The following CALN1 variants were observed in gnomAD, a reference collection of about 807,000 sequenced individuals.
The protein encoded by CALN1 is calcium-binding protein 8.
CALN1 carries 17 observed loss-of-function variants against 30.6 expected under a neutral mutation model. The observed-to-expected ratio is 0.56, with a 90% CI of 0.38 to 0.83. The LOEUF is 0.83. Among genes scored for constraint, CALN1 ranks in the 40% least tolerant of loss-of-function variants. The pLI is 0.00. For synonymous variants in CALN1, 156 were observed against 131.4 expected, an observed-to-expected ratio of 1.19 and a Z score of -1.28; for missense variants, 291 against 354.9, an observed-to-expected ratio of 0.82 and a Z score of 1.45.
chr7:72,132,841 T>A (rs920880651), intron 3 of CALN1, among the ~76,000 whole-genome samples: 1 of 152,094 alleles, frequency 6.6e-6, no homozygotes, highest in Non-Finnish European at 1.5e-5. Flanking sequence ...CGGACCAATT[T>A]CGGTCTGTAG....
chr7:71,987,847 T>A lies in CALN1; in HGVS notation c.501+35810A>T, dbSNP rs563880579. 2.0e-5 allele frequency among the ~76,000 whole-genome samples: 3 copies of A among 152,298 alleles called. No individual in the cohort carries two copies. In the East Asian group the frequency reaches 5.8e-4, roughly 29 times the overall value. On this transcript the variant is annotated intron_variant, in intron 5 of 6. Transcript: ENST00000395275. ...CTAGAGTCTCCATCCTTTATCTTTT[T>A]TAGTGTTGGGCATATATAGCTGGGA...
chr7:72,118,733 T>C (rs1318556184), intron 3 of CALN1, among the ~76,000 whole-genome samples: 1 of 152,104 alleles, frequency 6.6e-6, no homozygotes, highest in Non-Finnish European at 1.5e-5. Flanking sequence ...AGGGTCTCCA[T>C]ACAAAATGAC....
intron 3 of CALN1, among the ~76,000 whole-genome samples, chr7:72,113,820 G>A (rs207468075): frequency 6.6e-6 from 1 of 152,128 alleles, no homozygotes. Context: ...TAGGCCACAG[G>A]GAGCTCCCAG....
intron 1 of CALN1, among the ~76,000 whole-genome samples, chr7:72,445,268 C>G (rs895586762): frequency 6.6e-6 from 1 of 152,162 alleles, no homozygotes; most frequent in Non-Finnish European, 1.5e-5. Flanking sequence ...TTTGGGCCAC[C>G]AGGCAACAGA....
intron 4 of CALN1, among the ~76,000 whole-genome samples, chr7:72,040,353 T>C (rs1315014725): frequency 2.0e-5 from 3 of 150,848 alleles, no homozygotes; most frequent in Non-Finnish European, 2.9e-5. Flanking sequence ...GCTGTGATGG[T>C]GTGTGCTTTT....
At chr7:72,181,923 G>C (rs1175263000) in intron 3 of CALN1, among the ~76,000 whole-genome samples, 1 of 152,170 alleles carries the variant, frequency 6.6e-6, no homozygotes, top group African/African-American at 2.4e-5. Context: ...ACTATCCAAA[G>C]TAACTGGACT....
In CALN1 at chr7:72,195,555, T is replaced by A. The variant is rs77462145; in HGVS notation, c.244+83131A>T. ...CATTCCTGGCTAATTTTTAAAAAAATTTTTTTAAGGATGGGGTCTCACTAT... is the reference window on the plus strand; with the variant it reads ...CATTCCTGGCTAATTTTTAAAAAAAATTTTTTAAGGATGGGGTCTCACTAT... On this transcript the variant is annotated intron_variant, in intron 3 of 6. Coordinates refer to ENST00000395275, the MANE Select transcript of CALN1 (RefSeq NM_031468.4). 1.1e-3 allele frequency among the ~76,000 whole-genome samples: 162 copies of A among 152,192 alleles called. No individual in the cohort carries two copies. The East Asian group carries it at 0.015, about 14-fold the overall frequency.
chr7:72,347,085 A>C (rs1802685275), intron 2 of CALN1, among the ~76,000 whole-genome samples: 1 of 152,160 alleles, frequency 6.6e-6, no homozygotes, highest in Admixed American at 6.5e-5. Context: ...AATGGGGTGG[A>C]TGCAATGCTG....
At chr7:72,388,644 A>T (rs1805388600) in intron 2 of CALN1, among the ~76,000 whole-genome samples, 1 of 152,190 alleles carries the variant, frequency 6.6e-6, no homozygotes, top group Non-Finnish European at 1.5e-5. Context: ...TAAAAAATTT[A>T]TTCTCATATT....
intron 2 of CALN1, among the ~76,000 whole-genome samples, chr7:72,352,481 A>G (rs974511700): frequency 2.6e-5 from 4 of 152,120 alleles, no homozygotes; most frequent in African/African-American, 9.6e-5. Flanking sequence ...ATTAGAAATC[A>G]GTAATAAGAA....
At chr7:71,978,850 G>A (rs1798242335) in intron 5 of CALN1, among the ~76,000 whole-genome samples, 2 of 152,294 alleles carry the variant, frequency 1.3e-5, no homozygotes, top group African/African-American at 4.8e-5. Flanking sequence ...CTGCGGAAAA[G>A]ACTTATTGAG....
intron 6 of CALN1, among the ~76,000 whole-genome samples, chr7:71,790,356 AAAG>A (rs1229751902): frequency 2.0e-4 from 20 of 101,922 alleles, no homozygotes; most frequent in African/African-American, 6.1e-4. Flanking sequence ...GAAAAGAAAG[AAAG>A]AAAGAAAGAA....
intron 3 of CALN1, among the ~76,000 whole-genome samples, chr7:72,222,562 C>G (rs991238990): frequency 1.3e-5 from 2 of 152,292 alleles, no homozygotes; most frequent in Admixed American, 6.5e-5. Context: ...AGGCCCCCCT[C>G]CAACACTGGG....
At chr7:71,989,407 C>T (rs1315750517) in intron 5 of CALN1, among the ~76,000 whole-genome samples, 2 of 151,348 alleles carry the variant, frequency 1.3e-5, no homozygotes, top group African/African-American at 4.9e-5. Context: ...TCACTGTACT[C>T]CAGCCTGGGC....
intron 3 of CALN1, among the ~76,000 whole-genome samples, chr7:72,176,420 A>G (rs529879915): frequency 5.9e-5 from 9 of 152,246 alleles, no homozygotes; most frequent in African/African-American, 1.9e-4. Context: ...GTTGGAGGTG[A>G]CGCCTGCTTG....
chr7:72,162,350 A>G (rs1018044091), intron 3 of CALN1, among the ~76,000 whole-genome samples: 8 of 152,250 alleles, frequency 5.3e-5, no homozygotes, highest in African/African-American at 1.9e-4. Context: ...TCTAAACAAA[A>G]TATGGAAAAT....
chr7:72,022,860 T>C (rs1428155047), intron 5 of CALN1, among the ~76,000 whole-genome samples: 1 of 150,290 alleles, frequency 6.7e-6, no homozygotes, highest in African/African-American at 2.5e-5. Flanking sequence ...CTGCAACCCT[T>C]ATCTAGGTTA....
intron 1 of CALN1, among the ~76,000 whole-genome samples, chr7:72,443,644 G>A (rs975867262): frequency 4.0e-5 from 6 of 151,712 alleles, no homozygotes; most frequent in African/African-American, 1.2e-4. Flanking sequence ...CCTTTCCCAA[G>A]GCCAAGATCA....
At chr7:71,834,709 G>A (rs1789508087) in intron 5 of CALN1, among the ~76,000 whole-genome samples, 4 of 152,166 alleles carry the variant, frequency 2.6e-5, no homozygotes, top group Non-Finnish European at 5.9e-5. Flanking sequence ...CAATCAGACA[G>A]GATTCCAAGG....
Sources: allele counts gnomAD v4.1 joint callset (sites outside exome capture counted in the v4.1 genomes callset), GRCh38; gene constraint gnomAD v4.1.1; transcripts MANE v1.5; gene names NCBI Gene and HGNC (gene_info 2026-07-23, HGNC 2026-07-21).